Variants in NCKAP5 observed in about 807,000 individuals in gnomAD.
NCKAP5 encodes NCK associated protein 5, also known as nck-associated protein 5.
In NCKAP5, 92 loss-of-function variants were observed where a neutral mutation model predicts 167.0. That is an observed-to-expected ratio of 0.55 (90% CI 0.47 to 0.66). NCKAP5 has a LOEUF of 0.66. NCKAP5 is among the 30% of genes least tolerant of loss of function. The pLI is 0.00. For synonymous variants in NCKAP5, 891 were observed against 877.4 expected (o/e 1.02, Z -0.27); for missense variants, 2,378 against 2,315.0 (o/e 1.03, Z -0.56).
chr2:133,178,438 G>A (rs1342631265), intron 5 of NCKAP5, among the ~76,000 whole-genome samples: 1 of 139,344 alleles, frequency 7.2e-6, no homozygotes, highest in Admixed American at 7.6e-5. Flanking sequence ...CCGGGAAGTG[G>A]AAGTTGTAGT....
intron 5 of NCKAP5, among the ~76,000 whole-genome samples, chr2:133,166,066 T>C (rs1330929720): frequency 6.6e-6 from 1 of 152,020 alleles, no homozygotes; most frequent in Non-Finnish European, 1.5e-5. Flanking sequence ...TCTGGCAGTA[T>C]CAAATAGGGC....
chr2:132,976,354 G>T (rs1254355494), intron 7 of NCKAP5, among the ~76,000 whole-genome samples: 1 of 152,054 alleles, frequency 6.6e-6, no homozygotes, highest in African/African-American at 2.4e-5. Context: ...CATGAGGTCA[G>T]GAGTTCAAGA....
chr2:132,695,789 G>A (rs1687251723), intron 19 of NCKAP5, among the ~76,000 whole-genome samples: 1 of 152,076 alleles, frequency 6.6e-6, no homozygotes. Flanking sequence ...TCCCCCATCT[G>A]TCCCTTTCAA....
intron 7 of NCKAP5, among the ~76,000 whole-genome samples, chr2:132,984,027 C>A (rs752794210): frequency 6.6e-6 from 1 of 152,166 alleles, no homozygotes; most frequent in Non-Finnish European, 1.5e-5. Flanking sequence ...GAGGCTGAGG[C>A]AGCAGGACTG....
intron 19 of NCKAP5, among the ~76,000 whole-genome samples, chr2:132,691,259 T>A (rs959484145): frequency 7.2e-5 from 11 of 152,176 alleles, no homozygotes; most frequent in African/African-American, 2.4e-4. Context: ...CTGTTCTTCA[T>A]ACAAAAGCCA....
At chr2:133,339,399 A>G (rs1263550014) in intron 3 of NCKAP5, among the ~76,000 whole-genome samples, 1 of 152,206 alleles carries the variant, frequency 6.6e-6, no homozygotes, top group African/African-American at 2.4e-5. Flanking sequence ...TTTGTAATAA[A>G]GCATATAAAG....
At chr2:133,305,903 G>A (rs1424063077) in intron 3 of NCKAP5, among the ~76,000 whole-genome samples, 3 of 152,012 alleles carry the variant, frequency 2.0e-5, no homozygotes, top group East Asian at 1.9e-4. Flanking sequence ...TCAATATAAC[G>A]CTAACAAAAA....
intron 16 of NCKAP5, among the ~76,000 whole-genome samples, chr2:132,762,077 T>A (rs1475756330): frequency 6.6e-6 from 1 of 152,174 alleles, no homozygotes; most frequent in African/African-American, 2.4e-5. Flanking sequence ...TTCCACTCCA[T>A]CCTCGTCACG....
Position 133,517,490 on chromosome 2 carries a change from C to A in NCKAP5, c.37G>T (p.Gly13Ter), listed in dbSNP as rs577028752. ...CTGCTGTCTAGAGACAGCCTTTTTC[C>A]AAAGTCCCTTTTCTCAAGCTGTCTC... is the stretch of plus-strand genomic sequence containing the variant. ...GKRQLEKRDF[G>*]KRLSLDSSLV... Residue 13 changes from glycine to a stop codon, truncating the protein, a stop_gained, in exon 3 of 20, where the codon GGA becomes TGA. Coordinates refer to ENST00000409261, the MANE Select transcript of NCKAP5 (RefSeq NM_207363.3). LOFTEE classifies it high-confidence loss of function. 3.9e-6 allele frequency: 6 copies of A among 1,537,402 alleles called. No homozygotes were observed. In the East Asian group the frequency reaches 1.2e-4, roughly 31 times the overall value.
chr2:132,711,861 G>A (rs1056886496), intron 19 of NCKAP5, among the ~76,000 whole-genome samples: 3 of 152,224 alleles, frequency 2.0e-5, no homozygotes, highest in Non-Finnish European at 4.4e-5. Context: ...TTCCACTAGG[G>A]GGATGGTAGA....
chr2:133,321,393 A>G (rs1277552167), intron 3 of NCKAP5, among the ~76,000 whole-genome samples: 1 of 152,222 alleles, frequency 6.6e-6, no homozygotes, highest in Non-Finnish European at 1.5e-5. Flanking sequence ...GCAACCTACT[A>G]TTAAAAGTGA....
At chr2:133,331,190 C>G (rs529267794) in intron 3 of NCKAP5, among the ~76,000 whole-genome samples, 2 of 152,092 alleles carry the variant, frequency 1.3e-5, no homozygotes. Context: ...AGACTTTTAT[C>G]AGTTCTTGGG....
At chr2:132,832,951 C>T (rs1687624863) in intron 11 of NCKAP5, among the ~76,000 whole-genome samples, 1 of 152,076 alleles carries the variant, frequency 6.6e-6, no homozygotes, top group Admixed American at 6.6e-5. Context: ...AGAGTGATCT[C>T]CATTCTATTT....
At chr2:133,292,148 T>C (rs943549820) in intron 4 of NCKAP5, among the ~76,000 whole-genome samples, 1 of 152,110 alleles carries the variant, frequency 6.6e-6, no homozygotes, top group African/African-American at 2.4e-5. Context: ...GAGTTACCCA[T>C]TTGGAGAGAG....
chr2:133,367,999 G>T (rs1685561490), intron 3 of NCKAP5, among the ~76,000 whole-genome samples: 1 of 152,082 alleles, frequency 6.6e-6, no homozygotes, highest in South Asian at 2.1e-4. Flanking sequence ...ATGCCCCCCA[G>T]AACTGAAGTC....
chr2:133,671,635 G>T, the NCKAP5 span, among the ~76,000 whole-genome samples: 2 of 152,020 alleles, frequency 1.3e-5, no homozygotes, highest in Admixed American at 1.3e-4. Context: ...TGTCATCAGA[G>T]GCAGCCCCTC....
rs2105060700 is a variant in NCKAP5, at chr2:132,784,749, C to A, written c.2062G>T (p.Val688Phe). 1 of 1,613,758 alleles carries A rather than the reference C, an allele frequency of 6.2e-7. No individual in the cohort carries two copies. Among genetic ancestry groups the A allele is most frequent in the South Asian group, 1.1e-5 (1 of 91,032 alleles). The change falls in exon 14 of 20, where the codon GTT becomes TTT. Residue 688 changes from valine to phenylalanine, a missense_variant. By Grantham distance (50) the Val-to-Phe change is conservative. Coordinates refer to ENST00000409261, the MANE Select transcript of NCKAP5 (RefSeq NM_207363.3). ...ATCTCATTTCTGGTAACAGTGACAA[C>A]CCCAGTCTGGTGAGAGCTGAATTCA... ...PIEFSSHQTG[V>F]VTVTRNEISI...
chr2:133,373,442 T>C (rs1685936530), intron 3 of NCKAP5, among the ~76,000 whole-genome samples: 1 of 152,228 alleles, frequency 6.6e-6, no homozygotes, highest in South Asian at 2.1e-4. Context: ...AGATATTCCA[T>C]GTTTATGGAT....
At chr2:133,323,400 C>A (rs1682202389) in intron 3 of NCKAP5, among the ~76,000 whole-genome samples, 3 of 152,154 alleles carry the variant, frequency 2.0e-5, no homozygotes, top group Admixed American at 2.0e-4. Context: ...TAGCATCTAT[C>A]CTATTTCAGC....
Sources: gnomAD v4.1 joint callset for allele counts (sites outside exome capture counted in the v4.1 genomes callset) on GRCh38, gnomAD v4.1.1 for gene constraint, MANE v1.5 for transcripts, NCBI Gene and HGNC (gene_info 2026-07-23, HGNC 2026-07-21) for gene names.